The following SATB2 variants were observed in gnomAD, a reference collection of about 807,000 sequenced individuals.
SATB2 encodes the protein SATB homeobox 2.
Under a neutral mutation model 73.4 loss-of-function variants are expected in SATB2, and 1 was observed. That is an observed-to-expected ratio of 0.01 (90% CI 0.00 to 0.06). The LOEUF is 0.06. Among genes scored for constraint, SATB2 ranks in the 10% least tolerant of loss-of-function variants. The pLI, the probability that SATB2 is intolerant of heterozygous loss-of-function variation, is 1.00. For missense variants in SATB2, 459 were observed against 945.8 expected (o/e 0.49, Z 6.75); for synonymous variants, 397 against 367.0 (o/e 1.08, Z -0.93).
intron 3 of SATB2, among the ~76,000 whole-genome samples, chr2:199,416,791 C>T (rs906007478): frequency 6.6e-6 from 1 of 152,134 alleles, no homozygotes; most frequent in African/African-American, 2.4e-5. Context: ...AATCCCAGCA[C>T]TTTGGGAGGC....
Position 199,270,795 on chromosome 2 carries a change from A to G in SATB2, c.*1416T>C, listed in dbSNP as rs1261437404. ...GGTAACTGGGATAATGTTTTCTTTT[A>G]GGATGAGTAAGTGATTCTACTGAAA... On this transcript the variant is annotated 3_prime_UTR_variant, in exon 11 of 11. Coordinates refer to ENST00000417098, the MANE Select transcript of SATB2 (RefSeq NM_001172509.2). The G allele has an allele frequency of 6.6e-6, 1 of 152,372 alleles. No individual in the cohort carries two copies. The highest frequency in any genetic ancestry group is 1.9e-4 in the East Asian group (1 of 5,342). 9.4% of individuals were successfully genotyped at this position (152,372 alleles called of 1,614,324 possible). A position where few individuals can be genotyped will look rare whatever the true frequency, so the allele number is the denominator to read the frequency against.
chr2:199,371,765 T>C (rs1282659953), intron 5 of SATB2, among the ~76,000 whole-genome samples: 1 of 152,206 alleles, frequency 6.6e-6, no homozygotes, highest in Non-Finnish European at 1.5e-5. Flanking sequence ...GTCAACTTTT[T>C]CAATCCAGAA....
rs142444631 is a variant in SATB2, at chr2:199,399,196, C to T, written c.347-17376G>A. Among the ~76,000 whole-genome samples the T allele has an allele frequency of 6.1e-3, 933 of 152,220 alleles. 8 individuals carry two copies. Among genetic ancestry groups the T allele is most frequent in the African/African-American group, 0.021 (872 of 41,538 alleles). ...CTGAGGTGGGAGGGTGGCCTGAGCCCGGGAGGCAGAGGTTGCAGTGGGCCA... is the reference window on the plus strand; with the variant it reads ...CTGAGGTGGGAGGGTGGCCTGAGCCTGGGAGGCAGAGGTTGCAGTGGGCCA... On this transcript the variant is annotated intron_variant, in intron 3 of 10. Coordinates refer to ENST00000417098, the MANE Select transcript of SATB2 (RefSeq NM_001172509.2).
intron 3 of SATB2, among the ~76,000 whole-genome samples, chr2:199,422,614 C>T (rs1033280304): frequency 9.8e-5 from 15 of 152,296 alleles, no homozygotes; most frequent in African/African-American, 9.6e-5. Flanking sequence ...ATTAGAAATA[C>T]AGTGCCACTA....
At chr2:199,380,975 T>C (rs1689754477) in intron 4 of SATB2, among the ~76,000 whole-genome samples, 1 of 152,254 alleles carries the variant, frequency 6.6e-6, no homozygotes, top group Admixed American at 6.5e-5. Context: ...CAGATGGGAA[T>C]GCTGGGGGTC....
rs1692328718 is a variant in SATB2, at chr2:199,457,662, G to GA, written c.-384dup. 1 of 153,792 alleles carries GA rather than the reference G, an allele frequency of 6.5e-6. No individual in the cohort carries two copies. The highest frequency in any genetic ancestry group is 1.8e-4 in the South Asian group (1 of 5,652). 9.5% of individuals were successfully genotyped at this position (153,792 alleles called of 1,614,324 possible). On this transcript the variant is annotated 5_prime_UTR_variant, in exon 1 of 11. Coordinates refer to ENST00000417098, the MANE Select transcript of SATB2 (RefSeq NM_001172509.2). This position sits in a 1 kb window ranked among gnomAD's most constrained non-coding sequence, Gnocchi z 4.8. ...GAGGAGGGGGGAAGAGAAGGAGGCT[G>GA]AAAGAGCCTTTTCACACCTTCGGGA...
chr2:199,456,426 T>C (rs750980151), intron 1 of SATB2, among the ~76,000 whole-genome samples: 1 of 152,228 alleles, frequency 6.6e-6, no homozygotes, highest in African/African-American at 2.4e-5. Context: ...TCCTGGGTGC[T>C]ACAGCCTAGC....
chr2:199,337,793 T>G (rs1363139798), intron 7 of SATB2, among the ~76,000 whole-genome samples: 1 of 152,210 alleles, frequency 6.6e-6, no homozygotes, highest in Non-Finnish European at 1.5e-5. Context: ...TCTCTCAGCA[T>G]TTCTGGCCTT....
intron 5 of SATB2, among the ~76,000 whole-genome samples, chr2:199,369,126 C>T (rs1689370528): frequency 6.6e-6 from 1 of 152,184 alleles, no homozygotes; most frequent in African/African-American, 2.4e-5. Context: ...CCGTGCTACA[C>T]ACTGCAGAAC....
chr2:199,382,226 A>G (rs1689800318), intron 3 of SATB2, among the ~76,000 whole-genome samples: 1 of 152,226 alleles, frequency 6.6e-6, no homozygotes, highest in African/African-American at 2.4e-5. Context: ...TTGTACAAGA[A>G]AATTCCTGTG....
upstream of SATB2, chr2:199,459,887 G>C (rs908673550): frequency 6.6e-6 from 1 of 152,632 alleles, no homozygotes; most frequent in African/African-American, 2.4e-5. The surrounding 1 kb of genome is among the most constrained non-coding windows in gnomAD (Gnocchi z 4.2). Flanking sequence ...CATGCGCACG[G>C]GCTTAGAGGC....
At chr2:199,280,937 A>G (rs1457789338) in intron 10 of SATB2, among the ~76,000 whole-genome samples, 1 of 152,102 alleles carries the variant, frequency 6.6e-6, no homozygotes, top group Non-Finnish European at 1.5e-5. Flanking sequence ...GAAAATCACT[A>G]ATAAAAACTT....
chr2:199,313,604 T>C (rs1157535111), intron 9 of SATB2, among the ~76,000 whole-genome samples: 1 of 152,190 alleles, frequency 6.6e-6, no homozygotes, highest in Non-Finnish European at 1.5e-5. Flanking sequence ...AGTCAAGATA[T>C]AGTTTGTTTA....
intron 10 of SATB2, among the ~76,000 whole-genome samples, chr2:199,294,054 A>G (rs770109463): frequency 4.6e-5 from 7 of 152,190 alleles, no homozygotes; most frequent in Non-Finnish European, 7.4e-5. Flanking sequence ...TCTGGAATTT[A>G]TAAGTAACTC....
upstream of SATB2, chr2:199,459,493 A>T (rs1253728178): frequency 3.9e-5 from 6 of 152,112 alleles, no homozygotes; most frequent in Admixed American, 3.9e-4. This position sits in a 1 kb window ranked among gnomAD's most constrained non-coding sequence, Gnocchi z 4.2. Context: ...CCCGCGAGAT[A>T]CCCGGGGCGT....
Position 199,339,066 on chromosome 2 carries a change from A to C in SATB2, c.1173+9635T>G, listed in dbSNP as rs368885905. On this transcript the variant is annotated intron_variant, in intron 7 of 10. Coordinates refer to ENST00000417098, the MANE Select transcript of SATB2 (RefSeq NM_001172509.2). Reference sequence around the variant, plus strand: ...AGTCTCTACTTCAGGTGGATTTAGAAGTGAGAGGAGAGTTGCATATGTTTG... The same window carrying C: ...AGTCTCTACTTCAGGTGGATTTAGACGTGAGAGGAGAGTTGCATATGTTTG... 2.0e-5 allele frequency among the ~76,000 whole-genome samples: 3 copies of C among 152,288 alleles called. No individual in the cohort carries two copies. The East Asian group carries it at 5.8e-4, about 29-fold the overall frequency.
At chr2:199,365,949 A>G (rs1007420649) in intron 6 of SATB2, among the ~76,000 whole-genome samples, 3 of 152,164 alleles carry the variant, frequency 2.0e-5, no homozygotes, top group African/African-American at 7.2e-5. Flanking sequence ...TAACAGAATC[A>G]CATAGCTTAT....
chr2:199,293,453 A>C lies in SATB2; in HGVS notation c.1740+15307T>G, dbSNP rs532042955. Reference sequence around the variant, plus strand: ...TTTGACTTGGGGGCAACAGGAAAAAAAGGGGTCTTTCTTAGTATTTTCTAT... The same window carrying C: ...TTTGACTTGGGGGCAACAGGAAAAACAGGGGTCTTTCTTAGTATTTTCTAT... On this transcript the variant is annotated intron_variant, in intron 10 of 10. Transcript: ENST00000417098. Among the ~76,000 whole-genome samples, 4 of 152,244 alleles carry C rather than the reference A, an allele frequency of 2.6e-5. No individual in the cohort carries two copies. In the South Asian group the frequency reaches 8.3e-4, roughly 32 times the overall value.
At chr2:199,437,167 T>A (rs1386543676) in intron 2 of SATB2, among the ~76,000 whole-genome samples, 1 of 152,174 alleles carries the variant, frequency 6.6e-6, no homozygotes, top group Admixed American at 6.5e-5. Flanking sequence ...TTTCAGATGA[T>A]CTAGTAGAGA....
Sources: allele counts gnomAD v4.1 joint callset (sites outside exome capture counted in the v4.1 genomes callset), GRCh38; gene constraint gnomAD v4.1.1; non-coding constraint Gnocchi (gnomAD v3.1); transcripts MANE v1.5; gene names NCBI Gene and HGNC (gene_info 2026-07-23, HGNC 2026-07-21).